Variants in NCALD observed in about 807,000 individuals in gnomAD.
The protein encoded by NCALD is neurocalcin-delta.
NCALD carries 10 observed loss-of-function variants against 18.6 expected under a neutral mutation model. That is an observed-to-expected ratio of 0.54 (90% CI 0.33 to 0.91). The LOEUF (loss-of-function observed/expected upper bound fraction) is 0.91, where lower values mean the gene tolerates loss of function less well. Ranked by LOEUF, NCALD falls within the 40% of genes least tolerant of loss-of-function variation. NCALD has a pLI of 0.03. For missense variants in NCALD, 184 were observed against 247.6 expected (o/e 0.74, Z 1.72); for synonymous variants, 88 against 87.4 (o/e 1.01, Z -0.04).
intron 3 of NCALD, among the ~76,000 whole-genome samples, chr8:101,897,278 AC>A (rs1486157941): frequency 6.7e-6 from 1 of 149,476 alleles, no homozygotes; most frequent in Non-Finnish European, 1.5e-5. Context: ...AAAAAACCAA[AC>A]ACCGCATATT....
intron 4 of NCALD, among the ~76,000 whole-genome samples, chr8:101,829,696 T>C (rs1425128796): frequency 6.6e-6 from 1 of 152,204 alleles, no homozygotes; most frequent in Non-Finnish European, 1.5e-5. Flanking sequence ...AAAGTAGTTT[T>C]TTAGGTTCTG....
At chr8:101,927,745 G>A (rs757167718) in intron 2 of NCALD, among the ~76,000 whole-genome samples, 1 of 152,138 alleles carries the variant, frequency 6.6e-6, no homozygotes, top group Non-Finnish European at 1.5e-5. Flanking sequence ...CCAGTGTCCT[G>A]TCCTTGTGGA....
intron 4 of NCALD, among the ~76,000 whole-genome samples, chr8:101,822,344 G>A (rs1813755259): frequency 6.6e-6 from 1 of 152,132 alleles, no homozygotes; most frequent in Non-Finnish European, 1.5e-5. Flanking sequence ...ATATTCCATG[G>A]CAGGTTCATC....
At position 101,742,135 on chromosome 8, in the gene NCALD, C is replaced by A. The variant is rs189617618; in HGVS notation, c.-19-22487G>T. On this transcript the variant is annotated intron_variant, in intron 1 of 3. Transcript: ENST00000220931. ...GGGCGTGGTGGTGGGCACCTGTAATCCCAGCTATGTGGGAGGCTGAGGCAG... is the reference window on the plus strand; with the variant it reads ...GGGCGTGGTGGTGGGCACCTGTAATACCAGCTATGTGGGAGGCTGAGGCAG... 3.5e-4 allele frequency among the ~76,000 whole-genome samples: 53 copies of A among 150,774 alleles called. No individual in the cohort carries two copies. In the East Asian group the frequency reaches 0.01, roughly 29 times the overall value.
At chr8:102,003,641 C>G (rs1821573289) in intron 2 of NCALD, among the ~76,000 whole-genome samples, 1 of 152,190 alleles carries the variant, frequency 6.6e-6, no homozygotes. Context: ...AAAATACTGG[C>G]AAACTGAATC....
chr8:102,002,897 G>T (rs554946151), intron 2 of NCALD, among the ~76,000 whole-genome samples: 1 of 151,910 alleles, frequency 6.6e-6, no homozygotes, highest in African/African-American at 2.4e-5. Flanking sequence ...GGGAAATTTA[G>T]AGCACTAAGG....
chr8:101,730,543 G>A (rs1296317880), intron 1 of NCALD, among the ~76,000 whole-genome samples: 1 of 144,752 alleles, frequency 6.9e-6, no homozygotes, highest in Non-Finnish European at 1.5e-5. Flanking sequence ...ACATATAGAT[G>A]TAGCTCATTT....
chr8:101,986,859 A>C (rs11786361), intron 2 of NCALD, among the ~76,000 whole-genome samples: 69,332 of 152,048 alleles, frequency 0.46, 16,103 homozygotes, highest in Middle Eastern at 0.53. Context: ...ATTGCTAATT[A>C]GGTAATTTTG....
chr8:101,854,680 G>GA (rs1307598512), intron 4 of NCALD, among the ~76,000 whole-genome samples: 2 of 151,932 alleles, frequency 1.3e-5, no homozygotes, highest in Non-Finnish European at 2.9e-5. Flanking sequence ...GACTCCCATG[G>GA]AAAAAAATGG....
chr8:101,878,473 G>A lies in NCALD; in HGVS notation c.-20+8668C>T, dbSNP rs1421537829. 2.6e-5 allele frequency among the ~76,000 whole-genome samples: 4 copies of A among 152,282 alleles called. No homozygotes were observed. The East Asian group carries it at 7.7e-4, about 29-fold the overall frequency. On this transcript the variant is annotated intron_variant, in intron 4 of 6. Coordinates refer to the NCALD transcript ENST00000311028. ...AAATATAATTTTGTTTTTTACAGGG[G>A]TTCCCTTGTACAAGGAACACATTTC...
chr8:101,709,087 C>T (rs956990923), intron 2 of NCALD, among the ~76,000 whole-genome samples: 1 of 152,212 alleles, frequency 6.6e-6, no homozygotes, highest in African/African-American at 2.4e-5. Context: ...AATGAAAGTA[C>T]ACTCCACAGT....
chr8:102,101,320 CTTTTT>C (rs1310627838), intron 1 of NCALD, among the ~76,000 whole-genome samples: 1 of 152,060 alleles, frequency 6.6e-6, no homozygotes, highest in Non-Finnish European at 1.5e-5. Flanking sequence ...AAAATATCCT[CTTTTT>C]TTTAAGTTAG....
At chr8:101,851,435 GCT>G (rs925791401) in intron 4 of NCALD, among the ~76,000 whole-genome samples, 5 of 151,670 alleles carry the variant, frequency 3.3e-5, no homozygotes, top group Non-Finnish European at 7.4e-5. Context: ...GTCACCCACA[GCT>G]CTCTTGCCTA....
intron 4 of NCALD, among the ~76,000 whole-genome samples, chr8:101,815,346 A>C (rs982307551): frequency 6.6e-6 from 1 of 152,104 alleles, no homozygotes; most frequent in Non-Finnish European, 1.5e-5. Context: ...GCAAAGGAGA[A>C]AAGGCAATAC....
intron 1 of NCALD, among the ~76,000 whole-genome samples, chr8:101,759,366 G>A (rs904314986): frequency 1.3e-5 from 2 of 152,168 alleles, no homozygotes; most frequent in Non-Finnish European, 1.5e-5. Flanking sequence ...GGGAGAGGGG[G>A]AAAAGGAGGG....
intron 2 of NCALD, among the ~76,000 whole-genome samples, chr8:101,694,801 C>T (rs768109415): frequency 3.9e-5 from 6 of 152,002 alleles, no homozygotes; most frequent in African/African-American, 7.3e-5. Context: ...GCCTCACTGC[C>T]GGGGACACGT....
intron 3 of NCALD, chr8:101,691,860 T>C: frequency 1.0e-6 from 1 of 985,408 alleles, no homozygotes; most frequent in Non-Finnish European, 1.2e-6. Flanking sequence ...CCTGTGCACA[T>C]GGTTGACAAG....
intron 1 of NCALD, among the ~76,000 whole-genome samples, chr8:102,031,192 G>A (rs149292037): frequency 2.2e-4 from 33 of 152,120 alleles, no homozygotes; most frequent in African/African-American, 2.9e-4. Flanking sequence ...GAAATGTACC[G>A]TAAGATTGCA....
At chr8:102,122,224 G>C (rs1182957933) in intron 1 of NCALD, among the ~76,000 whole-genome samples, 1 of 152,216 alleles carries the variant, frequency 6.6e-6, no homozygotes, top group South Asian at 2.1e-4. Context: ...GGAGATGATA[G>C]ATGCTGCGAC....
Sources: gnomAD v4.1 joint callset for allele counts (sites outside exome capture counted in the v4.1 genomes callset) on GRCh38, gnomAD v4.1.1 for gene constraint, MANE v1.5 for transcripts, NCBI Gene and HGNC (gene_info 2026-07-23, HGNC 2026-07-21) for gene names.